The following MIEF1 variants were observed in gnomAD, a reference collection of about 807,000 sequenced individuals.
The protein encoded by MIEF1 is mitochondrial elongation factor 1, also known as mitochondrial dynamics protein MIEF1.
A neutral mutation model predicts 35.1 loss-of-function variants in MIEF1; 14 were observed. The observed-to-expected ratio is 0.40, with a 90% CI of 0.26 to 0.62. The LOEUF (loss-of-function observed/expected upper bound fraction) is 0.62, where lower values mean the gene tolerates loss of function less well. Among genes scored for constraint, MIEF1 ranks in the 20% least tolerant of loss-of-function variants. The pLI is 0.43. For missense variants in MIEF1, 542 were observed against 615.4 expected (o/e 0.88, Z 1.26); for synonymous variants, 245 against 254.3 (o/e 0.96, Z 0.35).
At position 39,513,499 on chromosome 22, in the gene MIEF1, T is replaced by C. The variant is rs374798824; in HGVS notation, c.586-18T>C. The C allele has an allele frequency of 7.3e-5, 118 of 1,610,764 alleles. No individual in the cohort carries two copies. The highest frequency in any genetic ancestry group is 9.4e-5 in the Non-Finnish European group (111 of 1,177,764). On this transcript the variant is annotated intron_variant, in intron 5 of 5. Transcript: ENST00000325301. ...AACAGAGTAAACCCTCAAAACCCTT[T>C]AAATTCTGCCCTGACAGGTGGTGAC...
chr22:39,510,207 C>G (rs1399702988), intron 2 of MIEF1, among the ~76,000 whole-genome samples: 1 of 152,154 alleles, frequency 6.6e-6, no homozygotes, highest in Admixed American at 6.5e-5. Context: ...ATCCGCCTGC[C>G]TCGGCCTCCC....
rs761889522 is a variant in MIEF1, at chr22:39,517,367, TTAAA to T, written c.*3050_*3053del. The T allele has an allele frequency of 3.1e-5, 8 of 260,952 alleles. No individual in the cohort carries two copies. Among genetic ancestry groups the T allele is most frequent in the Non-Finnish European group, 6.4e-5 (8 of 124,684 alleles). The allele number at this position is 260,952 out of a possible 1,614,324, so 16.2% of individuals were successfully genotyped here. ...TTGGTTATGACTTTTAAAGTTTTAT[TTAAA>T]TAAATGTTGAAGCTCAAGTTTAAAG... On this transcript the variant is annotated 3_prime_UTR_variant, in exon 6 of 6. Coordinates refer to ENST00000325301, the MANE Select transcript of MIEF1 (RefSeq NM_019008.6).
At position 39,515,617 on chromosome 22, in the gene MIEF1, T is replaced by C. The variant is rs1171214925; in HGVS notation, c.*1294T>C. ...GGTGGGCATTTCCTACATTCCTCCT[T>C]GTTTGCCGCTGCTGAGATTGCAGTA... On this transcript the variant is annotated 3_prime_UTR_variant, in exon 6 of 6. Transcript: ENST00000325301. 4.1e-6 allele frequency: 2 copies of C among 489,866 alleles called. No homozygotes were observed. Among genetic ancestry groups the C allele is most frequent in the African/African-American group, 1.9e-5 (1 of 51,592 alleles). 30.3% of individuals were successfully genotyped at this position (489,866 alleles called of 1,614,324 possible).
At chr22:39,511,110 G>A (rs1930307794) in intron 2 of MIEF1, among the ~76,000 whole-genome samples, 178 bp from the exon 3 acceptor site, 1 of 152,228 alleles carries the variant, frequency 6.6e-6, no homozygotes. Context: ...CTTGCATCCT[G>A]ATCTATCATG....
chr22:39,510,264 G>GT (rs1569017595), intron 2 of MIEF1, among the ~76,000 whole-genome samples: 3 of 151,744 alleles, frequency 2.0e-5, no homozygotes, highest in African/African-American at 7.3e-5. Context: ...GGCCCATTTT[G>GT]TTTTTTTATT....
chr22:39,512,082 G>A, intron 4 of MIEF1, 56 bp downstream of exon 4: 2 of 1,577,742 alleles, frequency 1.3e-6, no homozygotes, highest in Non-Finnish European at 1.7e-6. Context: ...TACCACTCCT[G>A]CACTCAGCAG....
At chr22:39,503,450 G>C (rs968969153) in intron 1 of MIEF1, 15 of 152,208 alleles carry the variant, frequency 9.9e-5, no homozygotes, top group Non-Finnish European at 2.1e-4. Flanking sequence ...GGGCAACAAA[G>C]CACTTTACAG....
At chr22:39,510,106 G>A (rs1055267404) in intron 2 of MIEF1, among the ~76,000 whole-genome samples, 11 of 152,092 alleles carry the variant, frequency 7.2e-5, no homozygotes, top group Non-Finnish European at 1.6e-4. Flanking sequence ...TTACAGGCAT[G>A]CGCTGTCACA....
chr22:39,507,951 G>A (rs190746009), intron 2 of MIEF1, among the ~76,000 whole-genome samples: 1 of 152,316 alleles, frequency 6.6e-6, no homozygotes, highest in Admixed American at 6.5e-5. Context: ...GTCTCAAAAG[G>A]TGCACTGTCA....
intron 2 of MIEF1, 52 bp downstream of exon 2, chr22:39,504,586 C>A: frequency 5.1e-6 from 2 of 394,596 alleles, no homozygotes; most frequent in Non-Finnish European, 8.9e-6. Context: ...TGCAAGGGAC[C>A]GAGAAAAGGA....
rs17001213 is a variant in MIEF1, at chr22:39,511,970, C to T, written c.266C>T (p.Thr89Met). 5.1e-3 allele frequency: 8,254 copies of T among 1,614,126 alleles called. 357 individuals are homozygous for T. The African/African-American group carries it at 0.092, about 18-fold the overall frequency. The change falls in exon 4 of 6, where the codon ACG becomes ATG. Residue 89 changes from threonine (T) to methionine (M), a missense_variant. By Grantham distance (81) the Thr-to-Met change is moderately conservative. Coordinates refer to ENST00000325301, the MANE Select transcript of MIEF1 (RefSeq NM_019008.6). ...SPRLLNRDMK[T>M]GLSRSLQTLP... Reference sequence around the variant, plus strand: ...CGACTGCTGAACAGGGACATGAAGACGGGCCTGAGCCGGTCCTTGCAGACC... The same window carrying T: ...CGACTGCTGAACAGGGACATGAAGATGGGCCTGAGCCGGTCCTTGCAGACC...
At chr22:39,507,558 A>G (rs1428023583) in intron 2 of MIEF1, among the ~76,000 whole-genome samples, 1 of 151,248 alleles carries the variant, frequency 6.6e-6, no homozygotes, top group Non-Finnish European at 1.5e-5. Flanking sequence ...AAGGCTTAAC[A>G]AGCTGGCCCA....
chr22:39,512,520 T>C, intron 5 of MIEF1, 26 bp downstream of exon 5: 4 of 1,590,458 alleles, frequency 2.5e-6, no homozygotes, highest in Non-Finnish European at 3.4e-6. Context: ...TCATGGTGGG[T>C]GGGGTTTGAG....
chr22:39,507,201 C>G (rs147537737), intron 2 of MIEF1, among the ~76,000 whole-genome samples: 4 of 152,130 alleles, frequency 2.6e-5, no homozygotes, highest in Non-Finnish European at 4.4e-5. Flanking sequence ...GATGTCAGTC[C>G]GTCCTTGGAT....
In MIEF1 at chr22:39,514,926, C is replaced by T. The variant is rs1357324726; in HGVS notation, c.*603C>T. 4 of 312,324 alleles carry T rather than the reference C, an allele frequency of 1.3e-5. No homozygotes were observed. Among genetic ancestry groups the T allele is most frequent in the Non-Finnish European group, 2.4e-5 (4 of 168,362 alleles). The allele number at this position is 312,324 out of a possible 1,614,324, so 19.3% of individuals were successfully genotyped here. On this transcript the variant is annotated 3_prime_UTR_variant, in exon 6 of 6. Transcript: ENST00000325301. ...GGTTCCTGGAGTAGAAGTCCATCCT[C>T]CCCCCAACCTCCTGACCCATTCATA...
intron 2 of MIEF1, among the ~76,000 whole-genome samples, chr22:39,506,168 CAAAA>C (rs1426810031): frequency 6.6e-6 from 1 of 152,016 alleles, no homozygotes; most frequent in Non-Finnish European, 1.5e-5. Context: ...ACTACCCCCT[CAAAA>C]AAACCAAGAA....
At position 39,515,212 on chromosome 22, in the gene MIEF1, T is replaced by C; in HGVS notation, c.*889T>C. 1.4e-6 allele frequency: 1 copy of C among 700,486 alleles called. No individual in the cohort carries two copies. The highest frequency in any genetic ancestry group is 2.7e-5 in the East Asian group (1 of 36,928). 43.4% of individuals were successfully genotyped at this position (700,486 alleles called of 1,614,324 possible). ...AATGCTGGTTTTCACACCTTTTCCT[T>C]ATTTTATTGCCAATCAGGACAAGGC... On this transcript the variant is annotated 3_prime_UTR_variant, in exon 6 of 6. Transcript: ENST00000325301.
At chr22:39,501,137 G>A (rs541535997), upstream of MIEF1, among the ~76,000 whole-genome samples, 19 of 152,166 alleles carry the variant, frequency 1.2e-4, no homozygotes, top group South Asian at 8.3e-4. Flanking sequence ...CTTTGCACCC[G>A]CCATCTCCCT....
intron 2 of MIEF1, among the ~76,000 whole-genome samples, chr22:39,510,354 A>G (rs978489226): frequency 2.0e-5 from 3 of 152,070 alleles, no homozygotes; most frequent in African/African-American, 7.3e-5. Flanking sequence ...TGTAGCCTCA[A>G]ACTCCTGGGC....
Sources: allele counts gnomAD v4.1 joint callset (sites outside exome capture counted in the v4.1 genomes callset), GRCh38; gene constraint gnomAD v4.1.1; transcripts MANE v1.5; gene names NCBI Gene and HGNC (gene_info 2026-07-23, HGNC 2026-07-21).